RORA: variants seen among roughly 807,000 people sequenced by gnomAD.
RORA encodes RAR related orphan receptor A.
A neutral mutation model predicts 69.5 loss-of-function variants in RORA; 7 were observed. The ratio of observed to expected loss-of-function variants is 0.10; its 90% CI spans 0.06 to 0.19. The LOEUF is 0.19. RORA is among the 10% of genes least tolerant of loss of function. The pLI is 1.00. For synonymous variants in RORA, 261 were observed against 240.8 expected, an observed-to-expected ratio of 1.08 and a Z score of -0.78; for missense variants, 457 against 663.0, an observed-to-expected ratio of 0.69 and a Z score of 3.41.
chr15:60,572,988 TTTTTA>T (rs2067924524), intron 2 of RORA, among the ~76,000 whole-genome samples: 3 of 152,276 alleles, frequency 2.0e-5, no homozygotes, highest in Admixed American at 1.3e-4. Context: ...CGAGAGTGTA[TTTTTA>T]TTTTAACAAG....
chr15:60,831,900 T>A (rs2073047388), intron 1 of RORA, among the ~76,000 whole-genome samples: 1 of 152,184 alleles, frequency 6.6e-6, no homozygotes, highest in Non-Finnish European at 1.5e-5. Context: ...ATATGCCTCC[T>A]AAATTGGGAA....
chr15:60,508,121 C>A lies in RORA; in HGVS notation c.821-2492G>T, dbSNP rs2065573082. 2.6e-5 allele frequency among the ~76,000 whole-genome samples: 4 copies of A among 152,206 alleles called. No homozygotes were observed. The South Asian group carries it at 8.3e-4, about 31-fold the overall frequency. On this transcript the variant is annotated intron_variant, in intron 5 of 10. Coordinates refer to ENST00000335670, the MANE Select transcript of RORA (RefSeq NM_134261.3). ...CCATTTCAGCAAAGGCGAGTATGGT[C>A]AGGCTGAATAAAATTCGAGAATTTA...
Position 60,916,659 on chromosome 15 carries a change from C to T in RORA, c.167-237973G>A, listed in dbSNP as rs148684453. Among the ~76,000 whole-genome samples, 1,447 of 152,288 alleles carry T rather than the reference C, an allele frequency of 9.5e-3. 16 individuals are homozygous for T. Among genetic ancestry groups the T allele is most frequent in the African/African-American group, 0.034 (1,397 of 41,540 alleles). On this transcript the variant is annotated intron_variant, in intron 1 of 10. Transcript: ENST00000335670. ...ACCAATGCCCAGGCCACATCACATT[C>T]AATTAAATCAGAAAAGGTGATAGGT...
intron 1 of RORA, among the ~76,000 whole-genome samples, chr15:60,935,405 C>T (rs1892491586): frequency 6.6e-6 from 1 of 152,212 alleles, no homozygotes; most frequent in Non-Finnish European, 1.5e-5. Flanking sequence ...ACTGTTCAAA[C>T]CCACAGTGTC....
chr15:60,507,007 A>T (rs780414270), intron 5 of RORA, among the ~76,000 whole-genome samples: 4 of 151,786 alleles, frequency 2.6e-5, no homozygotes, highest in Non-Finnish European at 1.5e-5. Flanking sequence ...AAAGAAAATT[A>T]TATCTGGGGA....
chr15:60,569,708 A>T lies in RORA; in HGVS notation c.197-37857T>A, dbSNP rs139324831. Among the ~76,000 whole-genome samples the T allele has an allele frequency of 4.5e-3, 686 of 152,314 alleles. 2 individuals are homozygous for T. The highest frequency in any genetic ancestry group is 0.016 in the African/African-American group (653 of 41,556). On this transcript the variant is annotated intron_variant, in intron 2 of 10. Transcript: ENST00000335670. ...CAGCTCAAAAGGGTGAATGGCTTGA[A>T]CAGGGGAGGATGAACAATACAAGGG... is the stretch of plus-strand genomic sequence containing the variant.
At chr15:60,520,972 A>AG (rs1470704998) in intron 3 of RORA, among the ~76,000 whole-genome samples, 1 of 152,206 alleles carries the variant, frequency 6.6e-6, no homozygotes, top group African/African-American at 2.4e-5. Flanking sequence ...ACCTAGTGGC[A>AG]GCAGATTACC....
intron 1 of RORA, among the ~76,000 whole-genome samples, chr15:61,179,209 C>A (rs1252383719): frequency 6.6e-6 from 1 of 152,162 alleles, no homozygotes; most frequent in African/African-American, 2.4e-5. Context: ...GGTCCGTGGT[C>A]CCTTGCAGGG....
intron 1 of RORA, among the ~76,000 whole-genome samples, chr15:60,845,363 C>T (rs1398093616): frequency 6.6e-6 from 1 of 152,198 alleles, no homozygotes; most frequent in Non-Finnish European, 1.5e-5. Flanking sequence ...GTATGTTTCT[C>T]CTCTCTGAAG....
intron 2 of RORA, chr15:60,592,686 C>A: frequency 9.5e-7 from 1 of 1,055,748 alleles, no homozygotes; most frequent in Non-Finnish European, 1.1e-6. Context: ...CCGCGCCCCG[C>A]CCCGCCCCCG....
At chr15:60,957,389 C>A (rs1893300047) in intron 1 of RORA, among the ~76,000 whole-genome samples, 2 of 152,302 alleles carry the variant, frequency 1.3e-5, no homozygotes, top group South Asian at 2.1e-4. Context: ...CATCCTTCAG[C>A]ATGGAAGAAC....
At chr15:61,081,082 T>C (rs2078532145) in intron 1 of RORA, among the ~76,000 whole-genome samples, 1 of 152,230 alleles carries the variant, frequency 6.6e-6, no homozygotes, top group African/African-American at 2.4e-5. Flanking sequence ...TACCTCGTTC[T>C]GCCCCACAGT....
chr15:60,865,544 A>G (rs992630715), intron 1 of RORA, among the ~76,000 whole-genome samples: 2 of 152,180 alleles, frequency 1.3e-5, no homozygotes, highest in Non-Finnish European at 2.9e-5. Context: ...CTGCTGTTAC[A>G]CTTTCCAGGT....
intron 1 of RORA, among the ~76,000 whole-genome samples, chr15:60,886,971 C>A (rs1009816479): frequency 1.3e-5 from 2 of 152,192 alleles, no homozygotes; most frequent in African/African-American, 4.8e-5. Flanking sequence ...AGAACAACAT[C>A]ATCTGTGACT....
At chr15:60,811,195 T>C (rs1008239748) in intron 1 of RORA, among the ~76,000 whole-genome samples, 2 of 152,218 alleles carry the variant, frequency 1.3e-5, no homozygotes, top group Admixed American at 6.5e-5. Flanking sequence ...TGGTACCATT[T>C]CCTAGAGTGA....
chr15:60,653,980 C>G (rs2070184952), intron 2 of RORA, among the ~76,000 whole-genome samples: 1 of 152,152 alleles, frequency 6.6e-6, no homozygotes, highest in Non-Finnish European at 1.5e-5. Flanking sequence ...AGGATTCTAT[C>G]AGGAGACCCT....
intron 1 of RORA, among the ~76,000 whole-genome samples, chr15:61,012,327 T>C (rs1895111798): frequency 6.6e-6 from 1 of 152,180 alleles, no homozygotes; most frequent in Admixed American, 6.5e-5. Flanking sequence ...CCCAAATTGG[T>C]ACAGTAATCT....
intron 1 of RORA, among the ~76,000 whole-genome samples, chr15:60,799,534 C>T (rs942065670): frequency 5.3e-5 from 8 of 151,964 alleles, no homozygotes; most frequent in African/African-American, 1.9e-4. Context: ...CTCTTCTGAT[C>T]GATTCATATT....
intron 1 of RORA, among the ~76,000 whole-genome samples, chr15:60,863,977 T>A (rs2073459469): frequency 6.6e-6 from 1 of 152,096 alleles, no homozygotes; most frequent in Non-Finnish European, 1.5e-5. Flanking sequence ...CAGCTAGTTT[T>A]TGTATTTTTA....
Sources: gnomAD v4.1 joint callset for allele counts (sites outside exome capture counted in the v4.1 genomes callset) on GRCh38, gnomAD v4.1.1 for gene constraint, MANE v1.5 for transcripts, NCBI Gene and HGNC (gene_info 2026-07-23, HGNC 2026-07-21) for gene names.